Variants in MAGI1 observed in about 807,000 individuals in gnomAD.
MAGI1 encodes membrane associated guanylate kinase, WW and PDZ domain containing 1, also known as membrane-associated guanylate kinase, WW and PDZ domain-containing protein 1.
A neutral mutation model predicts 139.9 loss-of-function variants in MAGI1; 58 were observed. The observed-to-expected ratio is 0.41, with a 90% CI of 0.34 to 0.52. The LOEUF (loss-of-function observed/expected upper bound fraction) is 0.52, where lower values mean the gene tolerates loss of function less well. Ranked by LOEUF, MAGI1 falls within the 20% of genes least tolerant of loss-of-function variation. The probability of loss-of-function intolerance (pLI) is 0.12; values close to 1 mark genes in which losing one functional copy is unlikely to be tolerated. For synonymous variants in MAGI1, 812 were observed against 737.9 expected (o/e 1.10, Z -1.63); for missense variants, 1,874 against 1,901.6 (o/e 0.99, Z 0.27).
At chr3:65,643,480 T>G (rs2085095411) in intron 1 of MAGI1, among the ~76,000 whole-genome samples, 1 of 152,144 alleles carries the variant, frequency 6.6e-6, no homozygotes, top group Admixed American at 6.6e-5. Context: ...ACTATAGGCC[T>G]TGGATCTAGG....
At chr3:65,774,098 T>G (rs1402316659) in intron 1 of MAGI1, among the ~76,000 whole-genome samples, 1 of 77,206 alleles carries the variant, frequency 1.3e-5, no homozygotes, top group Non-Finnish European at 2.5e-5. Flanking sequence ...CCAGATCCAC[T>G]GGCTAGTTAA....
intron 2 of MAGI1, among the ~76,000 whole-genome samples, chr3:65,541,121 C>G: frequency 6.6e-6 from 1 of 151,996 alleles, no homozygotes; most frequent in East Asian, 1.9e-4. Context: ...TATAAACTAC[C>G]ATCAGAGAAC....
At chr3:65,931,049 T>C (rs913907935) in intron 1 of MAGI1, among the ~76,000 whole-genome samples, 1 of 151,680 alleles carries the variant, frequency 6.6e-6, no homozygotes, top group African/African-American at 2.4e-5. Flanking sequence ...CTTTTTTTTT[T>C]TGAGATAGAG....
intron 1 of MAGI1, among the ~76,000 whole-genome samples, chr3:65,853,584 T>C (rs1319651405): frequency 6.6e-6 from 1 of 152,122 alleles, no homozygotes; most frequent in East Asian, 1.9e-4. Context: ...AACCTCCCCA[T>C]TAACTTAATA....
chr3:65,894,669 A>T (rs1001722874), intron 1 of MAGI1, among the ~76,000 whole-genome samples: 1 of 152,264 alleles, frequency 6.6e-6, no homozygotes, highest in Non-Finnish European at 1.5e-5. Flanking sequence ...CACCTAGGAC[A>T]GTGGTGCAAA....
intron 1 of MAGI1, among the ~76,000 whole-genome samples, chr3:65,807,901 T>G (rs1354878065): frequency 6.6e-6 from 1 of 152,124 alleles, no homozygotes; most frequent in Non-Finnish European, 1.5e-5. Flanking sequence ...CAGGGCTGTT[T>G]TTTCTGATGG....
intron 1 of MAGI1, among the ~76,000 whole-genome samples, chr3:66,007,735 A>G (rs1003891025): frequency 6.6e-6 from 1 of 152,212 alleles, no homozygotes; most frequent in Non-Finnish European, 1.5e-5. Flanking sequence ...CAAGGAACAT[A>G]GCTCATAAGT....
intron 2 of MAGI1, among the ~76,000 whole-genome samples, chr3:65,508,853 T>G (rs2077418907): frequency 6.6e-6 from 1 of 152,168 alleles, no homozygotes; most frequent in Non-Finnish European, 1.5e-5. Context: ...TGGTTCTCAC[T>G]CTTGGGTTCC....
chr3:65,660,904 G>T (rs1158551750), intron 1 of MAGI1, among the ~76,000 whole-genome samples: 1 of 152,048 alleles, frequency 6.6e-6, no homozygotes, highest in African/African-American at 2.4e-5. Context: ...AACAAGATAG[G>T]TAAAGAAAAA....
In MAGI1 at chr3:65,435,139, G is replaced by T. The variant is rs527850692; in HGVS notation, c.1363+2016C>A. 1.2e-4 allele frequency among the ~76,000 whole-genome samples: 18 copies of T among 152,256 alleles called. No homozygotes were observed. In the South Asian group the frequency reaches 3.7e-3, roughly 32 times the overall value. On this transcript the variant is annotated intron_variant, in intron 10 of 22. Coordinates refer to ENST00000402939, the MANE Select transcript of MAGI1 (RefSeq NM_001033057.2). ...TCCAGAACTGATAGATAAATGTTTG[G>T]TGTTTAAGCCACCTAGTCTATGGCA...
chr3:65,549,099 C>A (rs983678837), intron 2 of MAGI1, among the ~76,000 whole-genome samples: 6 of 152,128 alleles, frequency 3.9e-5, no homozygotes, highest in Admixed American at 1.3e-4. Flanking sequence ...GGGCCCTGCG[C>A]TCCGGGGCGC....
At chr3:65,965,699 G>A (rs565806085) in intron 1 of MAGI1, among the ~76,000 whole-genome samples, 2 of 151,638 alleles carry the variant, frequency 1.3e-5, no homozygotes, top group African/African-American at 4.8e-5. Context: ...TTGTTTTTGA[G>A]ACGGAGTCTT....
chr3:65,425,339 C>A lies in MAGI1; in HGVS notation c.2167+4181G>T, dbSNP rs1019313431. ...TTTTTTTCAGAAGTCTAACTAAGCT[C>A]AGAGAAGGCAAGTGACTTGCCTAAA... On this transcript the variant is annotated intron_variant, in intron 12 of 22. Transcript: ENST00000402939. Among the ~76,000 whole-genome samples the A allele has an allele frequency of 4.6e-5, 7 of 152,134 alleles. No homozygotes were observed. In the East Asian group the frequency reaches 1.4e-3, roughly 29 times the overall value.
intron 14 of MAGI1, among the ~76,000 whole-genome samples, chr3:65,387,588 C>G (rs1445876131): frequency 2.0e-5 from 3 of 152,144 alleles, no homozygotes; most frequent in Non-Finnish European, 4.4e-5. Flanking sequence ...TATATTTGTG[C>G]TACCACTATA....
rs375123407 is a variant in MAGI1, at chr3:65,804,312, T to C, written c.314-182224A>G. Reference sequence around the variant, plus strand: ...AACACACACAGTGACATCAGAACATTAAGAGAGGGGAGAGATTTTCAGATA... The same window carrying C: ...AACACACACAGTGACATCAGAACATCAAGAGAGGGGAGAGATTTTCAGATA... On this transcript the variant is annotated intron_variant, in intron 1 of 22. Coordinates refer to ENST00000402939, the MANE Select transcript of MAGI1 (RefSeq NM_001033057.2). 3.3e-5 allele frequency among the ~76,000 whole-genome samples: 5 copies of C among 151,006 alleles called. No individual in the cohort carries two copies. The East Asian group carries it at 9.7e-4, about 29-fold the overall frequency.
chr3:65,762,350 G>A (rs2037103014), intron 1 of MAGI1, among the ~76,000 whole-genome samples: 1 of 152,088 alleles, frequency 6.6e-6, no homozygotes, highest in South Asian at 2.1e-4. Flanking sequence ...ACATGTAGCA[G>A]AGGCGACTTG....
intron 12 of MAGI1, among the ~76,000 whole-genome samples, chr3:65,410,785 C>T (rs552426392): frequency 6.6e-6 from 1 of 152,118 alleles, no homozygotes; most frequent in Non-Finnish European, 1.5e-5. Context: ...GCTACACATG[C>T]TAAAAATACA....
chr3:65,987,095 CT>C, intron 1 of MAGI1, among the ~76,000 whole-genome samples: 1 of 152,156 alleles, frequency 6.6e-6, no homozygotes, highest in East Asian at 1.9e-4. Flanking sequence ...TGGTCTCGAA[CT>C]CCTGACCTCA....
intron 12 of MAGI1, among the ~76,000 whole-genome samples, chr3:65,411,919 C>A (rs577165903): frequency 6.6e-6 from 1 of 152,138 alleles, no homozygotes; most frequent in Non-Finnish European, 1.5e-5. Flanking sequence ...ACTGCCACTA[C>A]CTTCTCTTGC....
Sources: allele counts gnomAD v4.1 joint callset (sites outside exome capture counted in the v4.1 genomes callset), GRCh38; gene constraint gnomAD v4.1.1; transcripts MANE v1.5; gene names NCBI Gene and HGNC (gene_info 2026-07-23, HGNC 2026-07-21).